STAG1: variants seen among roughly 807,000 people sequenced by gnomAD.
The protein encoded by STAG1 is STAG1 cohesin complex component.
Under a neutral mutation model 170.9 loss-of-function variants are expected in STAG1, and 26 were observed. That is an observed-to-expected ratio of 0.15 (90% CI 0.11 to 0.21). STAG1 has a LOEUF of 0.21. STAG1 is among the 10% of genes least tolerant of loss of function. The probability of loss-of-function intolerance (pLI) is 1.00; values close to 1 mark genes in which losing one functional copy is unlikely to be tolerated. For missense variants in STAG1, 964 were observed against 1,509.5 expected (o/e 0.64, Z 5.99); for synonymous variants, 514 against 497.7 (o/e 1.03, Z -0.44).
chr3:136,608,400 GTGTGCCT>G (rs1939071528), intron 3 of STAG1, among the ~76,000 whole-genome samples: 1 of 150,016 alleles, frequency 6.7e-6, no homozygotes, highest in Non-Finnish European at 1.5e-5. Context: ...GGGTAGTAAT[GTGTGCCT>G]GTAGTCCCAG....
intron 1 of STAG1, among the ~76,000 whole-genome samples, chr3:136,663,016 A>G (rs2107866924): frequency 6.6e-6 from 1 of 152,246 alleles, no homozygotes; most frequent in East Asian, 1.9e-4. Context: ...GCATCACTGC[A>G]CTTCCAGTCT....
chr3:136,556,836 A>C (rs1054241755), intron 5 of STAG1, among the ~76,000 whole-genome samples: 3 of 151,502 alleles, frequency 2.0e-5, no homozygotes, highest in Non-Finnish European at 2.9e-5. Context: ...ACCCACCTCA[A>C]CCTCCCAAAG....
intron 1 of STAG1, among the ~76,000 whole-genome samples, chr3:136,670,552 C>T (rs560513730): frequency 1.1e-4 from 16 of 152,288 alleles, no homozygotes; most frequent in African/African-American, 2.6e-4. Flanking sequence ...ACAATCTCAG[C>T]TCACTGCAAC....
At chr3:136,615,248 A>G (rs1393928126) in intron 3 of STAG1, among the ~76,000 whole-genome samples, 2 of 152,020 alleles carry the variant, frequency 1.3e-5, no homozygotes, top group Non-Finnish European at 1.5e-5. Context: ...CATACATGAA[A>G]AAACAAGAGA....
chr3:136,683,458 T>C (rs934512757), intron 1 of STAG1, among the ~76,000 whole-genome samples: 6 of 152,082 alleles, frequency 3.9e-5, no homozygotes, highest in African/African-American at 1.4e-4. Flanking sequence ...GAGCTGGGGT[T>C]TTGCCATGTT....
At chr3:136,544,463 A>T (rs1321619550) in intron 5 of STAG1, among the ~76,000 whole-genome samples, 1 of 152,174 alleles carries the variant, frequency 6.6e-6, no homozygotes, top group East Asian at 1.9e-4. Context: ...TTTTAAGTTT[A>T]TATTAATAAT....
intron 21 of STAG1, among the ~76,000 whole-genome samples, chr3:136,416,298 G>A (rs373002749): frequency 3.9e-5 from 6 of 152,248 alleles, no homozygotes; most frequent in East Asian, 1.9e-4. Context: ...GAGCCACCGC[G>A]CCCAGCCCCT....
intron 5 of STAG1, 92 bp from the exon 6 acceptor site, chr3:136,542,287 C>G: frequency 1.1e-6 from 1 of 905,518 alleles, no homozygotes; most frequent in South Asian, 1.5e-5. Context: ...CTGTGAGAAT[C>G]CCAAAAGAAT....
intron 15 of STAG1, among the ~76,000 whole-genome samples, chr3:136,438,602 T>A (rs910098140): frequency 1.3e-5 from 2 of 152,070 alleles, no homozygotes; most frequent in Non-Finnish European, 2.9e-5. Context: ...TAAAGATAGA[T>A]CCCCTATAAT....
intron 7 of STAG1, among the ~76,000 whole-genome samples, chr3:136,517,693 T>C (rs1014944488): frequency 1.3e-4 from 20 of 152,044 alleles, no homozygotes; most frequent in South Asian, 4.1e-4. Flanking sequence ...CAGTCTCAGA[T>C]TGTAAATCCA....
At chr3:136,443,465 T>C in intron 14 of STAG1, 61 bp from the exon 15 acceptor site, 1 of 1,156,816 alleles carries the variant, frequency 8.6e-7, no homozygotes, top group Non-Finnish European at 1.3e-6. Flanking sequence ...CTAATACTAA[T>C]TTGAGTTAAG....
chr3:136,642,264 C>CTTTTTT (rs10592920), intron 1 of STAG1, among the ~76,000 whole-genome samples: 5 of 84,954 alleles, frequency 5.9e-5, no homozygotes, highest in African/African-American at 1.7e-4. Flanking sequence ...GACAGAATTT[C>CTTTTTT]TTTTTTTTTT....
chr3:136,428,594 G>C (rs1254750991), intron 16 of STAG1, among the ~76,000 whole-genome samples: 2 of 152,144 alleles, frequency 1.3e-5, no homozygotes, highest in Non-Finnish European at 2.9e-5. Context: ...CACTATTGAA[G>C]AGAACCCTGA....
At chr3:136,459,203 C>T (rs533230902) in intron 13 of STAG1, among the ~76,000 whole-genome samples, 23 of 139,970 alleles carry the variant, frequency 1.6e-4, no homozygotes, top group African/African-American at 5.0e-4. Flanking sequence ...GGCGACAGAG[C>T]GAGACTCTGT....
At chr3:136,341,185 C>T (rs1357674200) in intron 31 of STAG1, among the ~76,000 whole-genome samples, 2 of 152,240 alleles carry the variant, frequency 1.3e-5, no homozygotes, top group African/African-American at 4.8e-5. Context: ...GCTGGGATTA[C>T]AGGCGGAGCC....
intron 1 of STAG1, among the ~76,000 whole-genome samples, chr3:136,633,298 T>C (rs1273619361): frequency 7.3e-6 from 1 of 136,288 alleles, no homozygotes; most frequent in Non-Finnish European, 1.5e-5. Flanking sequence ...AGAAAAACCA[T>C]CAAAAAAGAA....
At chr3:136,648,938 A>G (rs1032754219) in intron 1 of STAG1, among the ~76,000 whole-genome samples, 16 of 152,202 alleles carry the variant, frequency 1.1e-4, no homozygotes, top group Admixed American at 3.9e-4. Context: ...AATCTTTCAA[A>G]TAACTCTCTA....
rs77501169 is a variant in STAG1 at position 136,570,101 on chromosome 3, T to C, written c.298-1240A>G. 3.3e-3 allele frequency among the ~76,000 whole-genome samples: 507 copies of C among 152,302 alleles called. 7 individuals carry two copies. In the East Asian group the frequency reaches 0.047, roughly 14 times the overall value. The stretch of plus-strand genomic sequence containing the variant: ...TATATACAGTAAAATGCATTAATCC[T>C]GTTATACCTTAATTTTTATAAATAC... On this transcript the variant is annotated intron_variant, in intron 4 of 33. Transcript: ENST00000383202.
At chr3:136,412,669 C>G (rs1487675161) in intron 21 of STAG1, among the ~76,000 whole-genome samples, 6 of 152,030 alleles carry the variant, frequency 3.9e-5, no homozygotes, top group Admixed American at 3.9e-4. Flanking sequence ...GCAGATCAGA[C>G]AAAACTCAAG....
Sources: allele counts gnomAD v4.1 joint callset (sites outside exome capture counted in the v4.1 genomes callset), GRCh38; gene constraint gnomAD v4.1.1; transcripts MANE v1.5; gene names NCBI Gene and HGNC (gene_info 2026-07-23, HGNC 2026-07-21).